Variants in PPP2R5C observed in about 807,000 individuals in gnomAD.
The protein encoded by PPP2R5C is protein phosphatase 2 regulatory subunit B'gamma.
In PPP2R5C, 7 loss-of-function variants were observed where a neutral mutation model predicts 68.9. The observed-to-expected ratio is 0.10, with a 90% CI of 0.06 to 0.19. The LOEUF is 0.19. Ranked by LOEUF, PPP2R5C falls within the 10% of genes least tolerant of loss-of-function variation. The pLI is 1.00. For missense variants in PPP2R5C, 348 were observed against 641.3 expected (o/e 0.54, Z 4.94); for synonymous variants, 210 against 222.2 (o/e 0.95, Z 0.49).
At chr14:101,922,716 A>T (rs1035906318) in intron 13 of PPP2R5C, among the ~76,000 whole-genome samples, 1 of 149,046 alleles carries the variant, frequency 6.7e-6, no homozygotes, top group Non-Finnish European at 1.5e-5. Flanking sequence ...TACTCAGGAG[A>T]CTGAGGCAGG....
chr14:101,790,392 G>A (rs925724682), intron 3 of PPP2R5C, among the ~76,000 whole-genome samples: 1 of 152,146 alleles, frequency 6.6e-6, no homozygotes, highest in African/African-American at 2.4e-5. Flanking sequence ...GCCTCCAAAA[G>A]TTACCTCGTG....
chr14:101,776,858 T>C (rs1268645812), intron 2 of PPP2R5C, among the ~76,000 whole-genome samples: 1 of 151,980 alleles, frequency 6.6e-6, no homozygotes, highest in African/African-American at 2.4e-5. Context: ...ATCCATGTTG[T>C]AGCGTGCGTC....
At chr14:101,921,597 T>C (rs1439722012) in intron 13 of PPP2R5C, among the ~76,000 whole-genome samples, 1 of 152,108 alleles carries the variant, frequency 6.6e-6, no homozygotes, top group Non-Finnish European at 1.5e-5. Flanking sequence ...ACGTAAGAAA[T>C]GATAGCTGAA....
chr14:101,907,817 T>C (rs1450619738), intron 10 of PPP2R5C, among the ~76,000 whole-genome samples: 1 of 152,194 alleles, frequency 6.6e-6, no homozygotes, highest in Non-Finnish European at 1.5e-5. Flanking sequence ...CCCTCTCTCC[T>C]TGTCCGCTCG....
In PPP2R5C at chr14:101,797,214, C is replaced by G. The variant is rs1003244706; in HGVS notation, c.259+11031C>G. 1 of 455,886 alleles carries G rather than the reference C, an allele frequency of 2.2e-6. No individual in the cohort carries two copies. 28.2% of individuals were successfully genotyped at this position (455,886 alleles called of 1,614,324 possible). ...CCCTAAACATAATATCTTCCAGGTCCCCCCACATTGTAGCACGTGCCAGAC... is the reference window on the plus strand; with the variant it reads ...CCCTAAACATAATATCTTCCAGGTCGCCCCACATTGTAGCACGTGCCAGAC... On this transcript the variant is annotated intron_variant, in intron 3 of 14. Transcript: ENST00000328724. The surrounding 1 kb of genome is among the most constrained non-coding windows in gnomAD (Gnocchi z 4.2).
intron 2 of PPP2R5C, among the ~76,000 whole-genome samples, chr14:101,771,275 G>A (rs1290577697): frequency 7.6e-6 from 1 of 131,480 alleles, no homozygotes; most frequent in African/African-American, 2.8e-5. Flanking sequence ...ATTTTTTTGA[G>A]ACAGAGTCTC....
At chr14:101,883,193 TA>T in intron 3 of PPP2R5C, 63 bp from the exon 6 acceptor site, 1 of 1,146,652 alleles carries the variant, frequency 8.7e-7, no homozygotes, top group Non-Finnish European at 1.2e-6. Context: ...CAATTTCTGG[TA>T]TATTTTAACC....
chr14:101,815,823 C>T (rs2039629481), intron 1 of PPP2R5C, among the ~76,000 whole-genome samples: 1 of 152,126 alleles, frequency 6.6e-6, no homozygotes, highest in African/African-American at 2.4e-5. Flanking sequence ...GTGCATGCCA[C>T]CACGCCCGGC....
At chr14:101,867,085 C>T (rs1031615109) in intron 2 of PPP2R5C, among the ~76,000 whole-genome samples, 6 of 150,812 alleles carry the variant, frequency 4.0e-5, no homozygotes, top group South Asian at 2.1e-4. Context: ...GGCGTGGTGG[C>T]GCATGCCTGT....
At chr14:101,785,931 C>T in intron 2 of PPP2R5C, 87 bp from the exon 3 acceptor site, 1 of 1,248,864 alleles carries the variant, frequency 8.0e-7, no homozygotes, top group Non-Finnish European at 1.1e-6. Flanking sequence ...CAGAGTAAGA[C>T]TCATGTATAT....
chr14:101,848,099 C>T (rs1456406286), intron 1 of PPP2R5C, among the ~76,000 whole-genome samples: 1 of 152,168 alleles, frequency 6.6e-6, no homozygotes, highest in African/African-American at 2.4e-5. Flanking sequence ...ACTGATCTTT[C>T]TTTTAAGAGA....
upstream of PPP2R5C, among the ~76,000 whole-genome samples, chr14:101,808,890 C>T (rs2039190119): frequency 6.6e-6 from 1 of 152,198 alleles, no homozygotes; most frequent in Non-Finnish European, 1.5e-5. Flanking sequence ...ATCATCTCAC[C>T]GCACCCCCTC....
At chr14:101,805,071 T>C (rs562234496), upstream of PPP2R5C, among the ~76,000 whole-genome samples, 1 of 152,302 alleles carries the variant, frequency 6.6e-6, no homozygotes, top group Admixed American at 6.5e-5. Context: ...ATTGGAACTA[T>C]TGTTGTGCAC....
intron 2 of PPP2R5C, among the ~76,000 whole-genome samples, chr14:101,876,941 T>C (rs935863711): frequency 1.0e-5 from 1 of 97,214 alleles, no homozygotes; most frequent in Non-Finnish European, 2.0e-5. Flanking sequence ...GGATTTACGC[T>C]TTTTTTTTTT....
intron 1 of PPP2R5C, chr14:101,824,242 T>C (rs1428346323): frequency 3.5e-6 from 4 of 1,130,060 alleles, no homozygotes; most frequent in Non-Finnish European, 4.5e-6. Flanking sequence ...ATTAGATATA[T>C]TCTTTTTATT....
intron 2 of PPP2R5C, among the ~76,000 whole-genome samples, chr14:101,870,768 T>G (rs1419182404): frequency 6.6e-6 from 1 of 152,260 alleles, no homozygotes; most frequent in Non-Finnish European, 1.5e-5. Flanking sequence ...GCAGCCTATG[T>G]ACACAGCATG....
chr14:101,892,403 T>A (rs1595488440), intron 6 of PPP2R5C, among the ~76,000 whole-genome samples: 1 of 127,328 alleles, frequency 7.9e-6, no homozygotes. Flanking sequence ...GTGGGGGGGG[T>A]CCCACGTGAA....
At chr14:101,766,411 T>C (rs984199842) in intron 2 of PPP2R5C, 1 of 152,252 alleles carries the variant, frequency 6.6e-6, no homozygotes, top group African/African-American at 2.4e-5. Flanking sequence ...TTGATAAGTT[T>C]AAGATTAGGC....
chr14:101,912,081 G>A (rs960855303), intron 11 of PPP2R5C, among the ~76,000 whole-genome samples: 9 of 152,132 alleles, frequency 5.9e-5, no homozygotes, highest in African/African-American at 2.2e-4. Flanking sequence ...GGATATATGA[G>A]CTTCTTGTCA....
Sources: allele counts gnomAD v4.1 joint callset (sites outside exome capture counted in the v4.1 genomes callset), GRCh38; gene constraint gnomAD v4.1.1; non-coding constraint Gnocchi (gnomAD v3.1); transcripts MANE v1.5; gene names NCBI Gene and HGNC (gene_info 2026-07-23, HGNC 2026-07-21).